Variants in CSMD1 observed in about 807,000 individuals in gnomAD.
The protein encoded by CSMD1 is CUB and Sushi multiple domains 1.
CSMD1 carries 213 observed loss-of-function variants against 417.5 expected under a neutral mutation model. That is an observed-to-expected ratio of 0.51 (90% CI 0.46 to 0.57). The LOEUF is 0.57. Among genes scored for constraint, CSMD1 ranks in the 20% least tolerant of loss-of-function variants. The pLI is 0.00. For missense variants in CSMD1, 6,923 were observed against 4,529.7 expected (o/e 1.53, Z -15.17); for synonymous variants, 2,862 against 1,736.8 (o/e 1.65, Z -16.11).
chr8:3,400,958 CA>C (rs11285941), intron 15 of CSMD1, among the ~76,000 whole-genome samples: 151,402 of 151,404 alleles, frequency 1, 75,700 homozygotes, highest in Non-Finnish European at 1. Context: ...TTAAAACAAC[CA>C]AAATTATACT....
intron 2 of CSMD1, among the ~76,000 whole-genome samples, chr8:4,599,730 T>C: frequency 6.6e-6 from 1 of 152,216 alleles, no homozygotes; most frequent in Non-Finnish European, 1.5e-5. Flanking sequence ...ACTAACCAGC[T>C]TTCTTTAATT....
intron 35 of CSMD1, among the ~76,000 whole-genome samples, 193 bp downstream of exon 35, chr8:3,188,694 G>A (rs1459806548): frequency 8.8e-6 from 1 of 113,450 alleles, no homozygotes; most frequent in African/African-American, 2.6e-5. Flanking sequence ...AAAATGGTTA[G>A]AAATATTTTG....
At chr8:4,023,532 C>G (rs1325943741) in intron 4 of CSMD1, among the ~76,000 whole-genome samples, 4 of 151,526 alleles carry the variant, frequency 2.6e-5, no homozygotes, top group African/African-American at 9.7e-5. Flanking sequence ...TGGCTCTGTG[C>G]TGAGCAATAT....
chr8:4,664,212 A>T (rs540521383), intron 1 of CSMD1, among the ~76,000 whole-genome samples: 1 of 152,302 alleles, frequency 6.6e-6, no homozygotes, highest in East Asian at 1.9e-4. Context: ...TCTTTGCATT[A>T]TCTTGGGGAC....
At chr8:4,249,108 C>CT (rs1802891119) in intron 3 of CSMD1, among the ~76,000 whole-genome samples, 1 of 152,182 alleles carries the variant, frequency 6.6e-6, no homozygotes, top group African/African-American at 2.4e-5. Flanking sequence ...ACTTCTCAAC[C>CT]TTTCCCCAGT....
chr8:4,012,209 C>T (rs895457122), intron 4 of CSMD1, among the ~76,000 whole-genome samples: 4 of 151,966 alleles, frequency 2.6e-5, no homozygotes, highest in African/African-American at 7.3e-5. Flanking sequence ...GATTCTATGC[C>T]GTTTTACTCA....
chr8:3,060,471 G>A (rs1051474953), intron 49 of CSMD1, among the ~76,000 whole-genome samples: 1 of 152,158 alleles, frequency 6.6e-6, no homozygotes, highest in Non-Finnish European at 1.5e-5. Flanking sequence ...TTATGGGCAT[G>A]AGCCACTGTC....
intron 21 of CSMD1, among the ~76,000 whole-genome samples, chr8:3,355,133 G>C (rs1203742685): frequency 6.6e-6 from 1 of 151,766 alleles, no homozygotes; most frequent in Non-Finnish European, 1.5e-5. Context: ...TTTCTACTTT[G>C]TCAAGCAAAT....
intron 1 of CSMD1, among the ~76,000 whole-genome samples, chr8:4,737,882 C>G (rs1810348702): frequency 6.6e-6 from 1 of 151,966 alleles, no homozygotes; most frequent in African/African-American, 2.4e-5. Flanking sequence ...AAAGTTAATC[C>G]CAGATAATAA....
At chr8:4,874,685 T>G (rs1802939673) in intron 1 of CSMD1, among the ~76,000 whole-genome samples, 1 of 151,880 alleles carries the variant, frequency 6.6e-6, no homozygotes, top group African/African-American at 2.4e-5. Context: ...TTATGTAGAA[T>G]AGCTAACAGT....
At chr8:3,273,699 G>T (rs1802052287) in intron 26 of CSMD1, among the ~76,000 whole-genome samples, 1 of 152,144 alleles carries the variant, frequency 6.6e-6, no homozygotes, top group Non-Finnish European at 1.5e-5. Flanking sequence ...ATTTCTTCTA[G>T]ATTTTCTAGT....
chr8:3,018,320 T>C (rs1809037703), intron 52 of CSMD1, among the ~76,000 whole-genome samples, 157 bp downstream of exon 52: 1 of 152,190 alleles, frequency 6.6e-6, no homozygotes, highest in Non-Finnish European at 1.5e-5. Context: ...CAAATCCCTG[T>C]AGATACTCAA....
At chr8:4,819,157 T>G (rs1799376993) in intron 1 of CSMD1, among the ~76,000 whole-genome samples, 1 of 152,184 alleles carries the variant, frequency 6.6e-6, no homozygotes, top group South Asian at 2.1e-4. Flanking sequence ...GCTCTACTGG[T>G]GTCCTTCCAC....
At chr8:4,679,146 T>C (rs1805878455) in intron 1 of CSMD1, among the ~76,000 whole-genome samples, 1 of 152,182 alleles carries the variant, frequency 6.6e-6, no homozygotes. Context: ...CTTCTTGATA[T>C]GGCCAAGATC....
At chr8:4,793,003 TA>T (rs1168257139) in intron 1 of CSMD1, among the ~76,000 whole-genome samples, 4 of 151,626 alleles carry the variant, frequency 2.6e-5, no homozygotes, top group African/African-American at 7.3e-5. Context: ...TATATATATA[TA>T]TATCTCCACA....
At chr8:4,225,825 G>T (rs1396136117) in intron 3 of CSMD1, among the ~76,000 whole-genome samples, 1 of 152,202 alleles carries the variant, frequency 6.6e-6, no homozygotes, top group Admixed American at 6.5e-5. Context: ...TAGATGTAAA[G>T]TGGCACAATA....
intron 50 of CSMD1, among the ~76,000 whole-genome samples, chr8:3,042,708 G>C (rs968279622): frequency 6.6e-6 from 1 of 152,094 alleles, no homozygotes; most frequent in Non-Finnish European, 1.5e-5. Context: ...TCATAGGTTT[G>C]TTATAAGAGC....
chr8:4,711,095 TAA>T (rs893937054), intron 1 of CSMD1, among the ~76,000 whole-genome samples: 1 of 151,632 alleles, frequency 6.6e-6, no homozygotes, highest in Non-Finnish European at 1.5e-5. Flanking sequence ...CAGTCTTATG[TAA>T]ATAGCAAATT....
chr8:4,240,388 C>T (rs915848980), intron 3 of CSMD1, among the ~76,000 whole-genome samples: 1 of 152,212 alleles, frequency 6.6e-6, no homozygotes, highest in Non-Finnish European at 1.5e-5. Flanking sequence ...TTGCAGGCAT[C>T]ACAGTTGAGC....
Sources: gnomAD v4.1 joint callset for allele counts (sites outside exome capture counted in the v4.1 genomes callset) on GRCh38, gnomAD v4.1.1 for gene constraint, MANE v1.5 for transcripts, NCBI Gene and HGNC (gene_info 2026-07-23, HGNC 2026-07-21) for gene names.